Variants in COX7A2L observed in about 807,000 individuals in gnomAD.
COX7A2L encodes cytochrome c oxidase subunit 7A2 like.
In COX7A2L, 18 loss-of-function variants were observed where a neutral mutation model predicts 14.2. The ratio of observed to expected loss-of-function variants is 1.27; its 90% CI spans 0.88 to 1.88. The LOEUF (loss-of-function observed/expected upper bound fraction) is 1.88, where lower values mean the gene tolerates loss of function less well. COX7A2L is among the 40% of genes most tolerant of loss of function. The pLI, the probability that COX7A2L is intolerant of heterozygous loss-of-function variation, is 0.00. For missense variants in COX7A2L, 179 were observed against 138.8 expected (o/e 1.29, Z -1.46); for synonymous variants, 65 against 57.4 (o/e 1.13, Z -0.60).
chr2:42,348,378 C>T (rs559587877), downstream of COX7A2L, among the ~76,000 whole-genome samples: 2 of 152,192 alleles, frequency 1.3e-5, no homozygotes, highest in Admixed American at 1.3e-4. Flanking sequence ...GGGAGAAATC[C>T]GGCAGACACA....
chr2:42,365,266 C>T (rs184249919), upstream of COX7A2L, among the ~76,000 whole-genome samples: 1 of 152,326 alleles, frequency 6.6e-6, no homozygotes, highest in East Asian at 1.9e-4. Context: ...ACCTCACATA[C>T]ATCTGCAGTG....
chr2:42,361,205 G>A lies in COX7A2L; in HGVS notation c.-44C>T, dbSNP rs375801131. 164 of 1,547,374 alleles carry A rather than the reference G, an allele frequency of 1.1e-4. No homozygotes were observed. Among genetic ancestry groups the A allele is most frequent in the Non-Finnish European group, 1.4e-4 (158 of 1,137,232 alleles). On this transcript the variant is annotated 5_prime_UTR_variant, in exon 1 of 3. Coordinates refer to ENST00000234301, the MANE Select transcript of COX7A2L (RefSeq NM_004718.4). ...TCCCGCATCCGCTGCCAACGCGACC[G>A]CCCCAGAGAAGGACCCCGCCTCCCC... is the stretch of plus-strand genomic sequence containing the variant.
At chr2:42,364,637 T>A (rs1671124674), upstream of COX7A2L, among the ~76,000 whole-genome samples, 1 of 152,222 alleles carries the variant, frequency 6.6e-6, no homozygotes, top group African/African-American at 2.4e-5. Flanking sequence ...CATCTCTTAC[T>A]GTTTTTGTCA....
intron 2 of COX7A2L, among the ~76,000 whole-genome samples, chr2:42,343,411 T>A (rs1439957774): frequency 3.9e-5 from 6 of 152,336 alleles, no homozygotes; most frequent in African/African-American, 1.4e-4. Flanking sequence ...TGCGCACTAA[T>A]TAAATGTCTA....
intron 2 of COX7A2L, among the ~76,000 whole-genome samples, chr2:42,352,410 A>C (rs1390068777): frequency 6.6e-6 from 1 of 152,148 alleles, no homozygotes; most frequent in Non-Finnish European, 1.5e-5. Flanking sequence ...GGCCTCCCAA[A>C]GTGTTGGGGC....
intron 1 of COX7A2L, among the ~76,000 whole-genome samples, chr2:42,355,756 C>G: frequency 9.2e-6 from 1 of 108,356 alleles, no homozygotes; most frequent in Middle Eastern, 9.8e-3. Context: ...GACGGAATCT[C>G]GCTCTGTTGC....
chr2:42,361,177 G>A lies in COX7A2L; in HGVS notation c.-16C>T, dbSNP rs1301219605. 2.5e-6 allele frequency: 4 copies of A among 1,598,752 alleles called. No homozygotes were observed. The highest frequency in any genetic ancestry group is 2.6e-6 in the Non-Finnish European group (3 of 1,170,808). ...TGTAGTACATGACGCCCAGAGTCCG[G>A]CTTCCCGCATCCGCTGCCAACGCGA... On this transcript the variant is annotated 5_prime_UTR_variant, in exon 1 of 3. Transcript: ENST00000234301.
intron 1 of COX7A2L, among the ~76,000 whole-genome samples, chr2:42,357,713 G>A (rs1395837806): frequency 6.6e-6 from 1 of 152,038 alleles, no homozygotes; most frequent in Non-Finnish European, 1.5e-5. Context: ...AGCCCATTCA[G>A]GAACACCCTG....
intron 2 of COX7A2L, among the ~76,000 whole-genome samples, chr2:42,337,898 G>A (rs1425140859): frequency 6.6e-6 from 1 of 152,182 alleles, no homozygotes; most frequent in African/African-American, 2.4e-5. Context: ...GAGGCAGTGC[G>A]GACCGTGGGA....
upstream of COX7A2L, chr2:42,365,728 G>A (rs1671152089): frequency 6.6e-6 from 1 of 152,136 alleles, no homozygotes; most frequent in Admixed American, 6.5e-5. Context: ...AAATTACCAG[G>A]TAATTTAGAA....
rs1421444352 is a variant in COX7A2L, at chr2:42,361,196, A to G, written c.-35T>C. 7 of 1,571,644 alleles carry G rather than the reference A, an allele frequency of 4.5e-6. No individual in the cohort carries two copies. The highest frequency in any genetic ancestry group is 1.3e-5 in the African/African-American group (1 of 74,310). On this transcript the variant is annotated 5_prime_UTR_variant, in exon 1 of 3. Coordinates refer to ENST00000234301, the MANE Select transcript of COX7A2L (RefSeq NM_004718.4). ...AGTCCGGCTTCCCGCATCCGCTGCCAACGCGACCGCCCCAGAGAAGGACCC... is the reference window on the plus strand; with the variant it reads ...AGTCCGGCTTCCCGCATCCGCTGCCGACGCGACCGCCCCAGAGAAGGACCC...
chr2:42,336,419 G>C (rs1167489475), intron 2 of COX7A2L, among the ~76,000 whole-genome samples: 2 of 151,948 alleles, frequency 1.3e-5, no homozygotes, highest in South Asian at 4.2e-4. Context: ...CCTTTCACCA[G>C]ATCTCATTGA....
intron 1 of COX7A2L, among the ~76,000 whole-genome samples, chr2:42,357,786 T>C (rs960738146): frequency 2.6e-5 from 4 of 152,148 alleles, no homozygotes; most frequent in Non-Finnish European, 5.9e-5. Flanking sequence ...CCCCAACATC[T>C]GTCTCATCTG....
chr2:42,337,412 AAAC>A (rs1252747528), intron 2 of COX7A2L, among the ~76,000 whole-genome samples: 2 of 152,192 alleles, frequency 1.3e-5, no homozygotes, highest in African/African-American at 4.8e-5. Flanking sequence ...TGAAATGACA[AAAC>A]TACAGAGACA....
chr2:42,356,605 T>A (rs554207253), intron 1 of COX7A2L, among the ~76,000 whole-genome samples: 2 of 152,310 alleles, frequency 1.3e-5, no homozygotes, highest in East Asian at 1.9e-4. Flanking sequence ...CCCATAGCAA[T>A]AAGAAAACAA....
chr2:42,351,383 G>T (rs771427147), intron 2 of COX7A2L, 24 bp from the exon 3 acceptor site: 2 of 1,607,500 alleles, frequency 1.2e-6, no homozygotes, highest in African/African-American at 1.3e-5. Flanking sequence ...ATTAACAAGG[G>T]CATGGTTGAG....
chr2:42,360,192 G>A (rs1289019500), intron 1 of COX7A2L, among the ~76,000 whole-genome samples: 1 of 152,202 alleles, frequency 6.6e-6, no homozygotes, highest in Non-Finnish European at 1.5e-5. Context: ...TAGAGGATTA[G>A]GAGGGAATAT....
downstream of COX7A2L, among the ~76,000 whole-genome samples, chr2:42,345,025 T>C (rs951481768): frequency 6.6e-6 from 1 of 152,204 alleles, no homozygotes; most frequent in Non-Finnish European, 1.5e-5. Context: ...GAATGAAGTT[T>C]CGTGATAGCA....
intron 2 of COX7A2L, 126 bp from the exon 3 acceptor site, chr2:42,351,485 T>A: frequency 1.8e-6 from 2 of 1,081,720 alleles, no homozygotes; most frequent in Non-Finnish European, 1.3e-6. Context: ...GGAAAAGCAC[T>A]AATCCATGGA....
Sources: gnomAD v4.1 joint callset for allele counts (sites outside exome capture counted in the v4.1 genomes callset) on GRCh38, gnomAD v4.1.1 for gene constraint, MANE v1.5 for transcripts, NCBI Gene and HGNC (gene_info 2026-07-23, HGNC 2026-07-21) for gene names.